Variants in PTPN9 observed in about 807,000 individuals in gnomAD.
The protein encoded by PTPN9 is protein tyrosine phosphatase non-receptor type 9.
A neutral mutation model predicts 69.8 loss-of-function variants in PTPN9; 26 were observed. That is an observed-to-expected ratio of 0.37 (90% CI 0.27 to 0.52). The LOEUF (loss-of-function observed/expected upper bound fraction) is 0.52. PTPN9 is among the 20% of genes least tolerant of loss of function. The probability of loss-of-function intolerance (pLI) is 0.91; values close to 1 mark genes in which losing one functional copy is unlikely to be tolerated. For missense variants in PTPN9, 549 were observed against 740.3 expected (o/e 0.74, Z 3.00); for synonymous variants, 274 against 272.5 (o/e 1.01, Z -0.05).
At chr15:75,474,566 A>T (rs1305925247) in intron 9 of PTPN9, among the ~76,000 whole-genome samples, 1 of 152,200 alleles carries the variant, frequency 6.6e-6, no homozygotes, top group Non-Finnish European at 1.5e-5. Context: ...TATCTCTGTT[A>T]ACAATACTAG....
At chr15:75,509,406 C>G (rs1168354919) in intron 5 of PTPN9, among the ~76,000 whole-genome samples, 24 of 152,236 alleles carry the variant, frequency 1.6e-4, no homozygotes, top group Non-Finnish European at 1.5e-5. Context: ...AAACATTTCT[C>G]GACCAGGTGC....
chr15:75,500,807 G>A (rs527580417), intron 7 of PTPN9, among the ~76,000 whole-genome samples: 10 of 151,984 alleles, frequency 6.6e-5, no homozygotes, highest in Non-Finnish European at 1.2e-4. Flanking sequence ...GATCAATTGA[G>A]CATCAAGAGA....
At chr15:75,477,643 T>C (rs1447980264) in intron 9 of PTPN9, among the ~76,000 whole-genome samples, 4 of 152,084 alleles carry the variant, frequency 2.6e-5, no homozygotes, top group Non-Finnish European at 5.9e-5. Flanking sequence ...GCAGACATTA[T>C]GATATTTTAT....
At chr15:75,488,398 T>G (rs1208863643) in intron 8 of PTPN9, among the ~76,000 whole-genome samples, 4 of 151,960 alleles carry the variant, frequency 2.6e-5, no homozygotes. Context: ...AGATATCACC[T>G]AATAAAATTG....
intron 8 of PTPN9, among the ~76,000 whole-genome samples, chr15:75,484,652 T>C (rs1188134708): frequency 1.3e-5 from 2 of 152,198 alleles, no homozygotes; most frequent in African/African-American, 4.8e-5. Context: ...AGTTGGGAGT[T>C]GAATGGATAG....
At chr15:75,480,849 G>A in intron 8 of PTPN9, 1 of 306,610 alleles carries the variant, frequency 3.3e-6, no homozygotes, top group Non-Finnish European at 5.9e-6. Flanking sequence ...CGCCTGCCTT[G>A]GCCTCCCAAA....
At chr15:75,553,995 T>A (rs1448710676) in intron 1 of PTPN9, among the ~76,000 whole-genome samples, 2 of 141,930 alleles carry the variant, frequency 1.4e-5, no homozygotes, top group African/African-American at 5.4e-5. Context: ...GCTAGACCAA[T>A]ACTTTCTTTC....
chr15:75,541,578 T>C (rs1368323341), intron 1 of PTPN9, among the ~76,000 whole-genome samples: 1 of 151,450 alleles, frequency 6.6e-6, no homozygotes. Context: ...GGCTAATTTT[T>C]TGTATTTTTA....
intron 7 of PTPN9, among the ~76,000 whole-genome samples, chr15:75,505,038 A>G (rs2074810529): frequency 6.6e-6 from 1 of 152,238 alleles, no homozygotes; most frequent in Non-Finnish European, 1.5e-5. Flanking sequence ...GGTGGGGAAA[A>G]GATTGAGAAA....
chr15:75,509,277 A>C (rs1275516554), intron 5 of PTPN9, among the ~76,000 whole-genome samples: 2 of 152,216 alleles, frequency 1.3e-5, no homozygotes, highest in South Asian at 2.1e-4. Context: ...AACTATTCTG[A>C]CTTCTCATCT....
intron 4 of PTPN9, among the ~76,000 whole-genome samples, chr15:75,518,266 G>A (rs1371574848): frequency 2.0e-5 from 3 of 151,968 alleles, no homozygotes; most frequent in Non-Finnish European, 4.4e-5. Flanking sequence ...TTGAGCCCAG[G>A]AGGTCGAGGC....
chr15:75,533,147 C>T (rs959508292), intron 1 of PTPN9, among the ~76,000 whole-genome samples: 1 of 152,206 alleles, frequency 6.6e-6, no homozygotes, highest in East Asian at 1.9e-4. Context: ...TAAGGAAGAG[C>T]TGGAGTTCAA....
intron 4 of PTPN9, among the ~76,000 whole-genome samples, chr15:75,522,404 T>G (rs1049388171): frequency 2.0e-5 from 3 of 152,186 alleles, no homozygotes; most frequent in Non-Finnish European, 2.9e-5. Flanking sequence ...TGTGGGGTTT[T>G]TTTTGAGACA....
intron 1 of PTPN9, among the ~76,000 whole-genome samples, chr15:75,541,277 G>A (rs942653955): frequency 6.6e-6 from 1 of 150,378 alleles, no homozygotes; most frequent in African/African-American, 2.4e-5. Flanking sequence ...TGTAGAGATA[G>A]GGTCTCACCA....
In PTPN9 at chr15:75,527,270, CAAAG is replaced by C. The variant is rs778459145; in HGVS notation, c.64-13_64-10del. 5 of 1,612,886 alleles carry C rather than the reference CAAAG, an allele frequency of 3.1e-6. No homozygotes were observed. The highest frequency in any genetic ancestry group is 2.5e-6 in the Non-Finnish European group (3 of 1,179,406). ...AGAAACTGCTTGGTAGCCTGTTTGACAAAGAAAGAAAGAATAATTAGTAAGAAGA... is the reference window on the plus strand; with the variant it reads ...AGAAACTGCTTGGTAGCCTGTTTGACAAAGAAAGAATAATTAGTAAGAAGA... On this transcript the variant is annotated splice_polypyrimidine_tract_variant and intron_variant, in intron 1 of 12. Coordinates refer to ENST00000618819, the MANE Select transcript of PTPN9 (RefSeq NM_002833.4).
At chr15:75,510,938 T>C (rs542859251) in intron 5 of PTPN9, among the ~76,000 whole-genome samples, 1 of 152,340 alleles carries the variant, frequency 6.6e-6, no homozygotes, top group South Asian at 2.1e-4. Flanking sequence ...TTGCCTATTT[T>C]AGGTCCTCGT....
At chr15:75,469,036 C>T in intron 12 of PTPN9, 53 bp from the exon 13 acceptor site, 1 of 1,470,096 alleles carries the variant, frequency 6.8e-7, no homozygotes, top group Non-Finnish European at 9.4e-7. Flanking sequence ...CTCTTCCTCC[C>T]TCTACCAAAT....
intron 1 of PTPN9, among the ~76,000 whole-genome samples, chr15:75,541,753 T>C (rs2075009564): frequency 6.8e-6 from 1 of 147,558 alleles, no homozygotes. Flanking sequence ...GTCACCTAGG[T>C]TGGAGTGCAG....
At chr15:75,524,178 G>T (rs2074917443) in intron 3 of PTPN9, 31 bp downstream of exon 3, 1 of 1,257,120 alleles carries the variant, frequency 8.0e-7, no homozygotes, top group Non-Finnish European at 1.1e-6. Context: ...GAAGTAATAA[G>T]GCCCTACAAG....
Sources: allele counts gnomAD v4.1 joint callset (sites outside exome capture counted in the v4.1 genomes callset), GRCh38; gene constraint gnomAD v4.1.1; transcripts MANE v1.5; gene names NCBI Gene and HGNC (gene_info 2026-07-23, HGNC 2026-07-21).